LRRN1: variants seen among roughly 807,000 people sequenced by gnomAD.
The protein encoded by LRRN1 is leucine-rich repeat neuronal protein 1.
In LRRN1, 14 loss-of-function variants were observed where a neutral mutation model predicts 45.8. That is an observed-to-expected ratio of 0.31 (90% CI 0.20 to 0.48). The LOEUF (loss-of-function observed/expected upper bound fraction) is 0.48. Ranked by LOEUF, LRRN1 falls within the 20% of genes least tolerant of loss-of-function variation. The probability of loss-of-function intolerance (pLI) is 0.99; values close to 1 mark genes in which losing one functional copy is unlikely to be tolerated. For synonymous variants in LRRN1, 359 were observed against 330.1 expected, an observed-to-expected ratio of 1.09 and a Z score of -0.95; for missense variants, 789 against 874.2, an observed-to-expected ratio of 0.90 and a Z score of 1.23.
chr3:3,838,489 C>G (rs1199266353), intron 1 of LRRN1, among the ~76,000 whole-genome samples: 1 of 152,116 alleles, frequency 6.6e-6, no homozygotes, highest in Non-Finnish European at 1.5e-5. Flanking sequence ...GTGCAATGAA[C>G]GTGGGTGTAC....
chr3:3,846,434 T>C lies in LRRN1; in HGVS notation c.1793T>C (p.Val598Ala). The C allele has an allele frequency of 6.2e-7, 1 of 1,614,060 alleles. No individual in the cohort carries two copies. The highest frequency in any genetic ancestry group is 1.1e-5 in the South Asian group (1 of 91,084). ...PSTDYEVCLT[V>A]SNIHQQTQKS... ...ACAGATTATGAAGTGTGTCTCACAG[T>C]GTCCAATATTCATCAGCAGACTCAA... The change falls in exon 2 of 2, where the codon GTG becomes GCG. Residue 598 changes from valine to alanine, a missense_variant. Transcript: ENST00000319331. This position sits in a 1 kb window ranked among gnomAD's most constrained non-coding sequence, Gnocchi z 5.7.
chr3:3,817,443 C>A (rs1400106378), intron 1 of LRRN1, among the ~76,000 whole-genome samples: 8 of 152,192 alleles, frequency 5.3e-5, no homozygotes, highest in African/African-American at 1.9e-4. Flanking sequence ...CTCATTCACC[C>A]AAACACTGCT....
intron 1 of LRRN1, among the ~76,000 whole-genome samples, chr3:3,807,119 T>A (rs539633862): frequency 2.0e-5 from 3 of 152,196 alleles, no homozygotes; most frequent in South Asian, 4.1e-4. Flanking sequence ...AAAAGTATCA[T>A]GCAGAGAAAC....
At chr3:3,806,275 G>T (rs990664026) in intron 1 of LRRN1, among the ~76,000 whole-genome samples, 5 of 152,214 alleles carry the variant, frequency 3.3e-5, no homozygotes, top group African/African-American at 1.2e-4. Flanking sequence ...ACTGACAAGT[G>T]CAGCATAGCG....
rs185013741 is a variant in LRRN1 at position 3,822,042 on chromosome 3, G to C, written c.-279+22123G>C. On this transcript the variant is annotated intron_variant, in intron 1 of 1. Coordinates refer to ENST00000319331, the MANE Select transcript of LRRN1 (RefSeq NM_020873.7). ...TGGGATAGAAAAGCGATGCGATTTG[G>C]GTTCTGGCATCAGATGCCTGGATTC... Among the ~76,000 whole-genome samples, 4 of 152,288 alleles carry C rather than the reference G, an allele frequency of 2.6e-5. No individual in the cohort carries two copies. In the East Asian group the frequency reaches 7.7e-4, roughly 29 times the overall value.
intron 1 of LRRN1, among the ~76,000 whole-genome samples, chr3:3,812,179 T>G (rs115223917): frequency 6.6e-6 from 1 of 152,244 alleles, no homozygotes; most frequent in Non-Finnish European, 1.5e-5. Flanking sequence ...TGTGTGTTCC[T>G]TTCCCATGTG....
intron 1 of LRRN1, among the ~76,000 whole-genome samples, chr3:3,820,171 T>A (rs551606238): frequency 5.3e-5 from 8 of 152,338 alleles, no homozygotes; most frequent in African/African-American, 1.9e-4. Flanking sequence ...TTACTTTTAC[T>A]TCATATGTTC....
At chr3:3,818,947 A>G (rs1057057019) in intron 1 of LRRN1, among the ~76,000 whole-genome samples, 12 of 152,186 alleles carry the variant, frequency 7.9e-5, no homozygotes, top group African/African-American at 2.9e-4. Flanking sequence ...AAGCATTCAT[A>G]TAAAAATAAT....
rs1361454212 is a variant in LRRN1 at position 3,847,382 on chromosome 3, C to G, written c.*590C>G. ...TAAACAATGAATTTTCTTTTTCTTTCCTTTTTTTTTTTTTTGTTGTAATAG... is the reference window on the plus strand; with the variant it reads ...TAAACAATGAATTTTCTTTTTCTTTGCTTTTTTTTTTTTTTGTTGTAATAG... On this transcript the variant is annotated 3_prime_UTR_variant, in exon 2 of 2. Transcript: ENST00000319331. 7.7e-4 allele frequency: 24 copies of G among 31,266 alleles called. No homozygotes were observed. The highest frequency in any genetic ancestry group is 2.9e-3 in the African/African-American group (24 of 8,200). 1.9% of individuals were successfully genotyped at this position (31,266 alleles called of 1,614,324 possible).
chr3:3,844,681 G>C lies in LRRN1; in HGVS notation c.40G>C (p.Val14Leu). ...CTTTGTTATAGCAGCTTGCCAATTG[G>C]TGCTGGGCCTACTAATGACTTCATT... Reference protein sequence around the residue: ...MSFVIAACQLVLGLLMTSLTE... With the variant: ...MSFVIAACQLLLGLLMTSLTE... Residue 14 changes from valine (V) to leucine (L), a missense_variant, in exon 2 of 2, where the codon GTG (valine) becomes CTG (leucine). Coordinates refer to ENST00000319331, the MANE Select transcript of LRRN1 (RefSeq NM_020873.7). 1 of 1,613,960 alleles carries C rather than the reference G, an allele frequency of 6.2e-7. No homozygotes were observed. Among genetic ancestry groups the C allele is most frequent in the Non-Finnish European group, 8.5e-7 (1 of 1,179,910 alleles).
intron 1 of LRRN1, among the ~76,000 whole-genome samples, chr3:3,812,140 G>A (rs770833589): frequency 2.0e-5 from 3 of 152,174 alleles, no homozygotes; most frequent in Non-Finnish European, 2.9e-5. Context: ...ATCTTTTTCT[G>A]GGAGTACAGT....
chr3:3,834,525 G>GATATATATATATATATATATAT (rs71040093), intron 1 of LRRN1, among the ~76,000 whole-genome samples: 528 of 27,178 alleles, frequency 0.019, 62 homozygotes, highest in Non-Finnish European at 0.03. Flanking sequence ...GACAGAACAG[G>GATATATATATATATATATATAT]ATATATATAT....
chr3:3,827,019 A>G (rs1693231590), intron 1 of LRRN1, among the ~76,000 whole-genome samples: 1 of 152,132 alleles, frequency 6.6e-6, no homozygotes, highest in Non-Finnish European at 1.5e-5. Context: ...CCTTACTTTC[A>G]TCTTCAACAC....
chr3:3,833,261 C>G (rs189684387), intron 1 of LRRN1, among the ~76,000 whole-genome samples: 1 of 152,314 alleles, frequency 6.6e-6, no homozygotes, highest in Non-Finnish European at 1.5e-5. Context: ...GGATCCCTTC[C>G]TCTACATTAA....
chr3:3,803,052 A>G, intron 1 of LRRN1, among the ~76,000 whole-genome samples: 1 of 152,220 alleles, frequency 6.6e-6, no homozygotes, highest in South Asian at 2.1e-4. Flanking sequence ...CCAACTGCAG[A>G]CTGTGTTTCT....
chr3:3,805,828 TCA>T (rs1692739610), intron 1 of LRRN1, among the ~76,000 whole-genome samples: 1 of 152,242 alleles, frequency 6.6e-6, no homozygotes, highest in African/African-American at 2.4e-5. Context: ...TTTGTTCACC[TCA>T]CAAGTATATA....
At chr3:3,815,942 A>G (rs1442065160) in intron 1 of LRRN1, among the ~76,000 whole-genome samples, 4 of 152,150 alleles carry the variant, frequency 2.6e-5, no homozygotes, top group African/African-American at 9.7e-5. Flanking sequence ...TGCTTCATAT[A>G]AAAAATTTCT....
At chr3:3,811,206 G>A (rs711580) in intron 1 of LRRN1, among the ~76,000 whole-genome samples, 116,085 of 152,178 alleles carry the variant, frequency 0.76, 46,784 homozygotes, top group Non-Finnish European at 0.9. Flanking sequence ...GCCCAGTATC[G>A]TACAGCTAGT....
intron 1 of LRRN1, among the ~76,000 whole-genome samples, chr3:3,801,436 T>C (rs1692650074): frequency 6.6e-6 from 1 of 152,206 alleles, no homozygotes; most frequent in African/African-American, 2.4e-5. Flanking sequence ...TTTTAAAAGC[T>C]AGGGCTGGAG....
Sources: allele counts gnomAD v4.1 joint callset (sites outside exome capture counted in the v4.1 genomes callset), GRCh38; gene constraint gnomAD v4.1.1; non-coding constraint Gnocchi (gnomAD v3.1); transcripts MANE v1.5; gene names NCBI Gene and HGNC (gene_info 2026-07-23, HGNC 2026-07-21).